The following RYR2 variants were observed in gnomAD, a reference collection of about 807,000 sequenced individuals.
RYR2 encodes the protein cardiac muscle ryanodine receptor-calcium release channel.
RYR2 carries 227 observed loss-of-function variants against 601.1 expected under a neutral mutation model. The ratio of observed to expected loss-of-function variants is 0.38; its 90% CI spans 0.34 to 0.42. The LOEUF (loss-of-function observed/expected upper bound fraction) is 0.42, where lower values mean the gene tolerates loss of function less well. RYR2 is among the 10% of genes least tolerant of loss of function. RYR2 has a pLI of 1.00. For synonymous variants in RYR2, 2,223 were observed against 2,175.1 expected, an observed-to-expected ratio of 1.02 and a Z score of -0.61; for missense variants, 4,646 against 6,156.5, an observed-to-expected ratio of 0.75 and a Z score of 8.21.
At position 237,224,767 on chromosome 1, in the gene RYR2, G is replaced by C. The variant is rs200978609; in HGVS notation, c.49-45730G>C. ...CCTAGCTACTAGAGGGGCTAAAGTG[G>C]GAAGATCACTTGAGCCCAGGAGTTG... is the stretch of plus-strand genomic sequence containing the variant. On this transcript the variant is annotated intron_variant, in intron 1 of 104. Transcript: ENST00000366574. Among the ~76,000 whole-genome samples, 5 of 152,112 alleles carry C rather than the reference G, an allele frequency of 3.3e-5. No homozygotes were observed. The East Asian group carries it at 9.6e-4, about 29-fold the overall frequency.
At chr1:237,520,985 C>T (rs1390706712) in intron 24 of RYR2, among the ~76,000 whole-genome samples, 2 of 151,978 alleles carry the variant, frequency 1.3e-5, no homozygotes, top group Admixed American at 6.6e-5. Flanking sequence ...TGCCATAAGC[C>T]GGGATTGTGC....
intron 29 of RYR2, among the ~76,000 whole-genome samples, chr1:237,582,842 T>C (rs1223334346): frequency 2.6e-5 from 4 of 152,096 alleles, no homozygotes; most frequent in Non-Finnish European, 1.5e-5. Flanking sequence ...TGATTCCATG[T>C]TTTTACTATT....
intron 85 of RYR2, among the ~76,000 whole-genome samples, chr1:237,771,346 G>A (rs942173768): frequency 4.0e-5 from 6 of 151,810 alleles, no homozygotes; most frequent in Admixed American, 2.0e-4. Flanking sequence ...AGGAGTTCGA[G>A]GCTGCAGTGA....
intron 1 of RYR2, among the ~76,000 whole-genome samples, chr1:237,181,343 C>T (rs951478500): frequency 2.6e-5 from 4 of 151,944 alleles, no homozygotes; most frequent in East Asian, 3.9e-4. Flanking sequence ...AGACAGGTTC[C>T]GACGATTATT....
chr1:237,434,499 A>G (rs1299171041), intron 12 of RYR2, among the ~76,000 whole-genome samples: 1 of 152,198 alleles, frequency 6.6e-6, no homozygotes, highest in East Asian at 1.9e-4. Flanking sequence ...CACTTTCTCT[A>G]TTCCTAGAAG....
At chr1:237,207,325 A>G (rs1011738320) in intron 1 of RYR2, among the ~76,000 whole-genome samples, 1 of 152,138 alleles carries the variant, frequency 6.6e-6, no homozygotes, top group Non-Finnish European at 1.5e-5. Context: ...CAGCACTTTG[A>G]GAGGTGGAGG....
At chr1:237,075,244 T>C (rs1664869326) in intron 1 of RYR2, among the ~76,000 whole-genome samples, 1 of 151,690 alleles carries the variant, frequency 6.6e-6, no homozygotes, top group Non-Finnish European at 1.5e-5. Flanking sequence ...GAGAAGAAAG[T>C]GTGTTGGAAA....
In RYR2 at chr1:237,272,002, C is replaced by T. The variant is rs540431120; in HGVS notation, c.168+1386C>T. Among the ~76,000 whole-genome samples the T allele has an allele frequency of 3.9e-5, 6 of 152,152 alleles. No homozygotes were observed. The South Asian group carries it at 8.3e-4, about 21-fold the overall frequency. ...AAAATTAGCTGGGTGTGGTAATGCA[C>T]ACCTGTAATCCCAGCTACTTGGGAG... On this transcript the variant is annotated intron_variant, in intron 2 of 104. Transcript: ENST00000366574.
chr1:237,569,751 T>C (rs1242119173), intron 29 of RYR2, among the ~76,000 whole-genome samples: 1 of 152,208 alleles, frequency 6.6e-6, no homozygotes, highest in East Asian at 1.9e-4. Context: ...AACACTGTCC[T>C]ATCTTTGTAT....
intron 8 of RYR2, among the ~76,000 whole-genome samples, chr1:237,384,744 C>A (rs1237838901): frequency 6.6e-6 from 1 of 152,176 alleles, no homozygotes; most frequent in Non-Finnish European, 1.5e-5. Context: ...TACTGGCTCC[C>A]TCAAAGCCCC....
At chr1:237,590,599 A>G (rs1487878240) in intron 30 of RYR2, 41 bp from the exon 31 acceptor site, 21 of 1,449,730 alleles carry the variant, frequency 1.4e-5, no homozygotes, top group South Asian at 1.0e-4. Flanking sequence ...GAAATTGACA[A>G]TGGTGATTGG....
intron 1 of RYR2, among the ~76,000 whole-genome samples, chr1:237,130,050 A>T (rs148317600): frequency 1.3e-3 from 203 of 152,260 alleles, no homozygotes; most frequent in African/African-American, 4.7e-3. Flanking sequence ...CAGCATGGTG[A>T]CTATAGTTAA....
intron 23 of RYR2, among the ~76,000 whole-genome samples, chr1:237,508,265 A>G (rs1390352926): frequency 2.0e-5 from 3 of 152,100 alleles, no homozygotes; most frequent in Admixed American, 6.5e-5. Context: ...GCCCGGCCTC[A>G]TCAATTCTTA....
Position 237,310,917 on chromosome 1 carries a change from T to C in RYR2, c.169-19961T>C, listed in dbSNP as rs1694484020. On this transcript the variant is annotated intron_variant, in intron 2 of 104. Transcript: ENST00000366574. ...TGTCTAAGTAACACAAGATATTTTG[T>C]TAGTAGAAGTTTCACAGTTAGGGTT... 3.9e-5 allele frequency among the ~76,000 whole-genome samples: 6 copies of C among 152,312 alleles called. No homozygotes were observed. The South Asian group carries it at 1.2e-3, about 32-fold the overall frequency.
intron 24 of RYR2, among the ~76,000 whole-genome samples, chr1:237,517,169 C>G (rs1379469642): frequency 6.6e-6 from 1 of 152,074 alleles, no homozygotes; most frequent in Non-Finnish European, 1.5e-5. Context: ...TAAACTTTTT[C>G]CTGCCTCACT....
At chr1:237,255,507 A>G (rs1043044164) in intron 1 of RYR2, among the ~76,000 whole-genome samples, 3 of 152,188 alleles carry the variant, frequency 2.0e-5, no homozygotes, top group Non-Finnish European at 2.9e-5. Flanking sequence ...ATAACATAGG[A>G]ACAAAAAAAT....
intron 10 of RYR2, among the ~76,000 whole-genome samples, chr1:237,406,694 T>C (rs1703939075): frequency 6.6e-6 from 1 of 152,156 alleles, no homozygotes; most frequent in Non-Finnish European, 1.5e-5. Context: ...TGAGCTAGAA[T>C]ACCTAATGAT....
intron 14 of RYR2, among the ~76,000 whole-genome samples, chr1:237,445,995 T>G (rs545397623): frequency 6.6e-6 from 1 of 152,180 alleles, no homozygotes; most frequent in Non-Finnish European, 1.5e-5. Context: ...TTTTGTATTT[T>G]TAGTAGAGAT....
At chr1:237,660,266 T>G (rs760599563) in intron 55 of RYR2, among the ~76,000 whole-genome samples, 192 bp downstream of exon 55, 1 of 152,116 alleles carries the variant, frequency 6.6e-6, no homozygotes, top group Non-Finnish European at 1.5e-5. Flanking sequence ...TCTGTCAGCC[T>G]TTCTGTGTTT....
Sources: allele counts gnomAD v4.1 joint callset (sites outside exome capture counted in the v4.1 genomes callset), GRCh38; gene constraint gnomAD v4.1.1; transcripts MANE v1.5; gene names NCBI Gene and HGNC (gene_info 2026-07-23, HGNC 2026-07-21).